Variants in MAGI2 observed in about 807,000 individuals in gnomAD.
MAGI2 encodes membrane-associated guanylate kinase, WW and PDZ domain-containing protein 2.
Under a neutral mutation model 133.3 loss-of-function variants are expected in MAGI2, and 35 were observed. The ratio of observed to expected loss-of-function variants is 0.26; its 90% CI spans 0.20 to 0.35. The LOEUF (loss-of-function observed/expected upper bound fraction) is 0.35, where lower values mean the gene tolerates loss of function less well. Ranked by LOEUF, MAGI2 falls within the 10% of genes least tolerant of loss-of-function variation. The pLI is 1.00. For synonymous variants in MAGI2, 729 were observed against 710.6 expected (o/e 1.03, Z -0.41); for missense variants, 1,636 against 1,863.4 (o/e 0.88, Z 2.25).
At chr7:79,438,001 G>A (rs533678191) in intron 1 of MAGI2, among the ~76,000 whole-genome samples, 1 of 152,158 alleles carries the variant, frequency 6.6e-6, no homozygotes, top group East Asian at 1.9e-4. Context: ...TATATGTGCA[G>A]GCATGTTAAA....
intron 4 of MAGI2, among the ~76,000 whole-genome samples, chr7:78,514,726 A>T (rs879289874): frequency 6.6e-6 from 1 of 152,202 alleles, no homozygotes; most frequent in African/African-American, 2.4e-5. Flanking sequence ...TGACAGTGAC[A>T]GGGTCTCATT....
At chr7:79,320,903 T>A (rs928489169) in intron 1 of MAGI2, among the ~76,000 whole-genome samples, 1 of 152,112 alleles carries the variant, frequency 6.6e-6, no homozygotes, top group Admixed American at 6.6e-5. Flanking sequence ...AATTCTTTCT[T>A]GTGGGTTTCA....
At chr7:79,153,385 G>A (rs762416970) in intron 1 of MAGI2, among the ~76,000 whole-genome samples, 5 of 152,084 alleles carry the variant, frequency 3.3e-5, no homozygotes, top group Non-Finnish European at 7.4e-5. Flanking sequence ...CAGGGTGCAG[G>A]CAATAATAAA....
intron 2 of MAGI2, among the ~76,000 whole-genome samples, chr7:78,737,126 A>G (rs1050087292): frequency 1.3e-5 from 2 of 152,214 alleles, no homozygotes; most frequent in Non-Finnish European, 2.9e-5. Flanking sequence ...ATTGTTACCA[A>G]TAAAATTTGA....
intron 6 of MAGI2, among the ~76,000 whole-genome samples, chr7:78,483,906 T>C (rs1484966383): frequency 6.6e-6 from 1 of 151,982 alleles, no homozygotes; most frequent in African/African-American, 2.4e-5. Context: ...TAGGATCTTT[T>C]TATGAGTTCT....
intron 2 of MAGI2, among the ~76,000 whole-genome samples, chr7:78,959,164 A>G (rs1802645407): frequency 6.6e-6 from 1 of 152,112 alleles, no homozygotes; most frequent in Admixed American, 6.6e-5. Context: ...GTTCATAATT[A>G]TGGTTGCTGA....
chr7:78,768,427 T>C (rs1397644440), intron 2 of MAGI2, among the ~76,000 whole-genome samples: 1 of 152,222 alleles, frequency 6.6e-6, no homozygotes, highest in Non-Finnish European at 1.5e-5. Flanking sequence ...TAAAGTTCCA[T>C]TTCCATTGTT....
chr7:78,858,610 T>C (rs549780544), intron 2 of MAGI2, among the ~76,000 whole-genome samples: 2 of 152,346 alleles, frequency 1.3e-5, no homozygotes, highest in Non-Finnish European at 2.9e-5. Flanking sequence ...CACTGTGGTC[T>C]GAGAGTCAGT....
intron 1 of MAGI2, among the ~76,000 whole-genome samples, chr7:79,113,060 T>C (rs2886053): frequency 0.72 from 108,838 of 152,160 alleles, 41,498 homozygotes; most frequent in Non-Finnish European, 0.86. Flanking sequence ...AGTTATTGTC[T>C]ATGCTTTGGC....
intron 2 of MAGI2, among the ~76,000 whole-genome samples, chr7:78,695,870 T>C (rs1817458990): frequency 6.6e-6 from 1 of 152,206 alleles, no homozygotes; most frequent in South Asian, 2.1e-4. Flanking sequence ...AGATTTCTGG[T>C]ATTCTCTTAT....
chr7:78,513,931 A>G (rs1795818235), intron 4 of MAGI2, among the ~76,000 whole-genome samples: 2 of 152,116 alleles, frequency 1.3e-5, no homozygotes, highest in South Asian at 4.2e-4. Flanking sequence ...TCTACTAAAA[A>G]TACAAAATTA....
chr7:78,168,002 G>A lies in MAGI2; in HGVS notation c.2510C>T (p.Thr837Ile). 1 of 1,614,118 alleles carries A rather than the reference G, an allele frequency of 6.2e-7. No individual in the cohort carries two copies. The highest frequency in any genetic ancestry group is 1.1e-5 in the South Asian group (1 of 91,074). The stretch of plus-strand genomic sequence containing the variant: ...CATGAGGTCGATGACATAGCGGTGG[G>A]TTTTGCCGGCTACTGGAATCCCATC... Reference protein sequence around the residue: ...YVDGIPVAGKTHRYVIDLMHH... With the variant: ...YVDGIPVAGKIHRYVIDLMHH... The change falls in exon 15 of 22, where the codon ACC (threonine) becomes ATC (isoleucine). Residue 837 changes from threonine to isoleucine, a missense_variant. Around this residue, in one of 5 missense-constraint regions of MAGI2, gnomAD observed 920 missense variants for 1,093.5 expected, o/e 0.84. Transcript: ENST00000354212.
chr7:78,992,600 T>A (rs1805898105), intron 2 of MAGI2, among the ~76,000 whole-genome samples: 1 of 152,060 alleles, frequency 6.6e-6, no homozygotes, highest in Non-Finnish European at 1.5e-5. Context: ...AAATTTTTTA[T>A]TTTTGTATCA....
At chr7:78,277,880 A>C (rs1309117166) in intron 9 of MAGI2, among the ~76,000 whole-genome samples, 3 of 152,156 alleles carry the variant, frequency 2.0e-5, no homozygotes, top group Non-Finnish European at 4.4e-5. Context: ...GGAGAGGTAG[A>C]AAATGCATAG....
intron 1 of MAGI2, among the ~76,000 whole-genome samples, chr7:79,423,711 G>A (rs1748205124): frequency 6.6e-6 from 1 of 152,076 alleles, no homozygotes; most frequent in Admixed American, 6.6e-5. Flanking sequence ...GAAACTGAAT[G>A]AAGACATATT....
chr7:78,332,528 C>T (rs917127861), intron 9 of MAGI2, among the ~76,000 whole-genome samples: 19 of 152,100 alleles, frequency 1.2e-4, no homozygotes, highest in Non-Finnish European at 2.8e-4. Context: ...GAAATCCCAT[C>T]TCTACTAAAA....
At position 78,019,715 on chromosome 7, in the gene MAGI2, G is replaced by GCCCTCTGCGGACTCGCCGAGCGCT. The variant is rs1563008435; in HGVS notation, c.3944_3967dup (p.Glu1315_Arg1322dup). ...CGCCTCCTCGAGCCTCGGCCGCGCG[G>GCCCTCTGCGGACTCGCCGAGCGCT]CCCTCTGCGGACTCGCCGAGCGCTC... On this transcript the variant is annotated inframe_insertion, in exon 22 of 22. Coordinates refer to ENST00000354212, the MANE Select transcript of MAGI2 (RefSeq NM_012301.4). 2 of 1,597,922 alleles carry GCCCTCTGCGGACTCGCCGAGCGCT rather than the reference G, an allele frequency of 1.3e-6. No individual in the cohort carries two copies. The highest frequency in any genetic ancestry group is 1.7e-5 in the Admixed American group (1 of 59,206).
chr7:78,132,300 C>A lies in MAGI2; in HGVS notation c.3203+589G>T, dbSNP rs943724240. On this transcript the variant is annotated intron_variant, in intron 18 of 21. Transcript: ENST00000354212. ...AGCCACCTCCTAACTGCTTAACCTGCATTCACCCTGCCAGCCTCCTGTCTG... is the reference window on the plus strand; with the variant it reads ...AGCCACCTCCTAACTGCTTAACCTGAATTCACCCTGCCAGCCTCCTGTCTG... Among the ~76,000 whole-genome samples the A allele has an allele frequency of 3.9e-5, 6 of 152,238 alleles. No homozygotes were observed. In the East Asian group the frequency reaches 1.2e-3, roughly 29 times the overall value.
chr7:79,023,121 C>A (rs1033564190), intron 1 of MAGI2, among the ~76,000 whole-genome samples: 4 of 152,066 alleles, frequency 2.6e-5, no homozygotes, highest in African/African-American at 4.8e-5. Flanking sequence ...AGCAGTACAT[C>A]AAAAAGTGTA....
Sources: allele counts gnomAD v4.1 joint callset (sites outside exome capture counted in the v4.1 genomes callset), GRCh38; gene constraint gnomAD v4.1.1; regional missense constraint gnomAD v4.1.1; transcripts MANE v1.5; gene names NCBI Gene and HGNC (gene_info 2026-07-23, HGNC 2026-07-21).